The following ZKSCAN8 variants were observed in gnomAD, a reference collection of about 807,000 sequenced individuals.
The protein encoded by ZKSCAN8 is zinc finger with KRAB and SCAN domains 8.
A neutral mutation model predicts 57.2 loss-of-function variants in ZKSCAN8; 27 were observed. That is an observed-to-expected ratio of 0.47 (90% CI 0.35 to 0.65). The LOEUF (loss-of-function observed/expected upper bound fraction) is 0.65. ZKSCAN8 is among the 30% of genes least tolerant of loss of function. The pLI is 0.01. For synonymous variants in ZKSCAN8, 214 were observed against 248.7 expected (o/e 0.86, Z 1.31); for missense variants, 597 against 696.3 (o/e 0.86, Z 1.60).
At chr6:28,142,328 A>T (rs1055590142) in intron 1 of ZKSCAN8, 11 of 151,918 alleles carry the variant, frequency 7.2e-5, no homozygotes, top group Non-Finnish European at 1.2e-4. Flanking sequence ...GTTATTTTTT[A>T]TCCAACTATT....
In ZKSCAN8 at chr6:28,156,992, T is replaced by C. The variant is rs182044958; in HGVS notation, c.*2975T>C. 5 of 152,352 alleles carry C rather than the reference T, an allele frequency of 3.3e-5. No homozygotes were observed. In the East Asian group the frequency reaches 9.6e-4, roughly 29 times the overall value. 9.4% of individuals were successfully genotyped at this position (152,352 alleles called of 1,614,324 possible). ...AGCACTTACTATGTGCCCAACCCTG[T>C]TATGCCTTTCTCAGGCTCATGATAA... On this transcript the variant is annotated 3_prime_UTR_variant, in exon 6 of 6. Transcript: ENST00000330236.
chr6:28,153,241 C>T lies in ZKSCAN8; in HGVS notation c.961C>T (p.Arg321Ter), dbSNP rs373665045. Reference protein sequence around the residue: ...RQRGNPTQERRHKCDECGKSF... With the variant: ...RQRGNPTQER ...GCGGGGAAATCCCACACAAGAGAGA[C>T]GACATAAATGTGATGAATGTGGGAA... The change falls in exon 6 of 6, where the codon CGA becomes TGA. Residue 321 changes from arginine to a stop codon, truncating the protein, a stop_gained. Coordinates refer to ENST00000330236, the MANE Select transcript of ZKSCAN8 (RefSeq NM_006298.4). LOFTEE classifies it high-confidence loss of function. 99 of 1,614,050 alleles carry T rather than the reference C, an allele frequency of 6.1e-5. No individual in the cohort carries two copies. Among genetic ancestry groups the T allele is most frequent in the Non-Finnish European group, 8.1e-5 (96 of 1,180,040 alleles).
intron 2 of ZKSCAN8, 84 bp from the exon 3 acceptor site, chr6:28,149,399 T>G: frequency 6.5e-7 from 1 of 1,549,248 alleles, no homozygotes; most frequent in Non-Finnish European, 8.8e-7. Context: ...CATATATCCC[T>G]GTAGATGTGT....
rs1765833121 is a variant in ZKSCAN8 at position 28,157,817 on chromosome 6, A to C, written c.*3800A>C. On this transcript the variant is annotated 3_prime_UTR_variant, in exon 6 of 6. Coordinates refer to ENST00000330236, the MANE Select transcript of ZKSCAN8 (RefSeq NM_006298.4). ...ATTTTTCTCCAAACTGCCAAAGGGA[A>C]AGTAGAATTGTGGAGGGAAATGAAA... The C allele has an allele frequency of 6.6e-6, 1 of 152,186 alleles. No homozygotes were observed. Among genetic ancestry groups the C allele is most frequent in the African/African-American group, 2.4e-5 (1 of 41,444 alleles). The allele number at this position is 152,186 out of a possible 1,614,324, so 9.4% of individuals were successfully genotyped here.
intron 1 of ZKSCAN8, among the ~76,000 whole-genome samples, chr6:28,145,909 C>T (rs767089704): frequency 6.6e-6 from 1 of 152,214 alleles, no homozygotes; most frequent in Non-Finnish European, 1.5e-5. Context: ...AATAAGGTCA[C>T]ATCCACAGGT....
Position 28,144,444 on chromosome 6 carries a change from T to A in ZKSCAN8, c.-93+2415T>A, listed in dbSNP as rs1765321416. The stretch of plus-strand genomic sequence containing the variant: ...GGAACTGTATGTACAGTAATCTGAT[T>A]TTTTTCCTAAGTACCTATCTCTTCT... On this transcript the variant is annotated intron_variant, in intron 1 of 5. Coordinates refer to ENST00000330236, the MANE Select transcript of ZKSCAN8 (RefSeq NM_006298.4). This position sits in a 1 kb window ranked among gnomAD's most constrained non-coding sequence, Gnocchi z 4.5. The A allele has an allele frequency of 6.6e-6, 1 of 152,248 alleles. No individual in the cohort carries two copies. Among genetic ancestry groups the A allele is most frequent in the Non-Finnish European group, 1.5e-5 (1 of 68,054 alleles). 9.4% of individuals were successfully genotyped at this position (152,248 alleles called of 1,614,324 possible).
intron 5 of ZKSCAN8, 38 bp downstream of exon 5, chr6:28,152,422 TTTTG>T (rs1319396098): frequency 1.3e-6 from 2 of 1,568,718 alleles, no homozygotes; most frequent in African/African-American, 1.4e-5. Flanking sequence ...ATTTTAGATT[TTTTG>T]TTTGTTTGTT....
At position 28,152,342 on chromosome 6, in the gene ZKSCAN8, A is replaced by G. The variant is rs921567159; in HGVS notation, c.733A>G (p.Arg245Gly). The change falls in exon 5 of 6, where the codon AGA becomes GGA. Residue 245 changes from arginine to glycine, a missense_variant. Coordinates refer to ENST00000330236, the MANE Select transcript of ZKSCAN8 (RefSeq NM_006298.4). ...TGATCCATCACAGAAGGATCTGTGT[A>G]GAGATAACAGGCCAGAAAATTTCAG... Reference protein sequence around the residue: ...LLDPSQKDLCRDNRPENFRNM... With the variant: ...LLDPSQKDLCGDNRPENFRNM... 1.9e-6 allele frequency: 3 copies of G among 1,613,166 alleles called. No individual in the cohort carries two copies. Among genetic ancestry groups the G allele is most frequent in the Non-Finnish European group, 2.5e-6 (3 of 1,179,814 alleles).
In ZKSCAN8 at chr6:28,148,764, A is replaced by AGAG. The variant is rs1414059801; in HGVS notation, c.362_364dup (p.Glu121dup). The AGAG allele has an allele frequency of 6.2e-7, 1 of 1,614,014 alleles. No individual in the cohort carries two copies. The highest frequency in any genetic ancestry group is 2.2e-5 in the East Asian group (1 of 44,882). Reference sequence around the variant, plus strand: ...TTAAGGAACATCAGCTAGAGAACGGAGAGGAGGTGGTGACCCTATTAGAGG... The same window carrying AGAG: ...TTAAGGAACATCAGCTAGAGAACGGAGAGGAGGAGGTGGTGACCCTATTAGAGG... On this transcript the variant is annotated inframe_insertion, in exon 2 of 6. Transcript: ENST00000330236.
In ZKSCAN8 at chr6:28,159,257, G is replaced by A. The variant is rs559932374; in HGVS notation, c.*5240G>A. ...ACTTATCTTTTGAGTTTGTACTGTG[G>A]TCCATGTACTTACTAATATGTTGCT... On this transcript the variant is annotated 3_prime_UTR_variant, in exon 6 of 6. Transcript: ENST00000330236. The A allele has an allele frequency of 6.6e-6, 1 of 152,112 alleles. No individual in the cohort carries two copies. Among genetic ancestry groups the A allele is most frequent in the African/African-American group, 2.4e-5 (1 of 41,448 alleles). 9.4% of individuals were successfully genotyped at this position (152,112 alleles called of 1,614,324 possible). A position where few individuals can be genotyped will look rare whatever the true frequency, so the allele number is the denominator to read the frequency against.
intron 1 of ZKSCAN8, among the ~76,000 whole-genome samples, chr6:28,145,360 A>C (rs1344286386): frequency 6.6e-6 from 1 of 152,234 alleles, no homozygotes; most frequent in Non-Finnish European, 1.5e-5. Flanking sequence ...GCCACAGCCC[A>C]GAAAGGCTTT....
intron 1 of ZKSCAN8, among the ~76,000 whole-genome samples, chr6:28,147,372 TAAAAAC>T (rs1424460618): frequency 2.0e-5 from 3 of 152,064 alleles, no homozygotes; most frequent in African/African-American, 4.8e-5. Flanking sequence ...TATCTAAAAT[TAAAAAC>T]AAAAACAATA....
chr6:28,151,319 T>G (rs1765582801), intron 3 of ZKSCAN8, among the ~76,000 whole-genome samples: 1 of 152,192 alleles, frequency 6.6e-6, no homozygotes, highest in Admixed American at 6.5e-5. Flanking sequence ...TTAATATTTC[T>G]AAAGAAGCAT....
At position 28,153,192 on chromosome 6, in the gene ZKSCAN8, CCTT is replaced by C; in HGVS notation, c.915_917del (p.Leu306del). 1 of 1,614,192 alleles carries C rather than the reference CCTT, an allele frequency of 6.2e-7. No homozygotes were observed. The highest frequency in any genetic ancestry group is 8.5e-7 in the Non-Finnish European group (1 of 1,180,046). Reference sequence around the variant, plus strand: ...GTCTTGAGCATGAAGAAGCCCGAGACCTTCTGGGCAGATTAGAGAGGCAGCGGG... The same window carrying C: ...GTCTTGAGCATGAAGAAGCCCGAGACCTGGGCAGATTAGAGAGGCAGCGGG... On this transcript the variant is annotated inframe_deletion, in exon 6 of 6. Transcript: ENST00000330236.
chr6:28,151,064 C>G (rs1765575988), intron 3 of ZKSCAN8, among the ~76,000 whole-genome samples: 1 of 152,146 alleles, frequency 6.6e-6, no homozygotes, highest in South Asian at 2.1e-4. Context: ...CTTCAGCCTC[C>G]CAAAGTGCTG....
In ZKSCAN8 at chr6:28,154,050, A is replaced by G. The variant is rs6908414; in HGVS notation, c.*33A>G. On this transcript the variant is annotated 3_prime_UTR_variant, in exon 6 of 6. Transcript: ENST00000330236. ...ATCAGTTAGAGTTTGAGCATTATTC[A>G]GCATTAGGGAAACCACACACTGGTG... 7.8e-3 allele frequency: 11,930 copies of G among 1,539,132 alleles called. 169 individuals carry two copies. The highest frequency in any genetic ancestry group is 0.061 in the African/African-American group (4,421 of 72,590).
rs1765761026 is a variant in ZKSCAN8, at chr6:28,155,731, T to TA, written c.*1715dup. On this transcript the variant is annotated 3_prime_UTR_variant, in exon 6 of 6. Coordinates refer to ENST00000330236, the MANE Select transcript of ZKSCAN8 (RefSeq NM_006298.4). Reference sequence around the variant, plus strand: ...GGGCCAAAAAAAGCAATCAAAGTCTTACGTCATAGAGGACCACCTTTTGGA... The same window carrying TA: ...GGGCCAAAAAAAGCAATCAAAGTCTTAACGTCATAGAGGACCACCTTTTGGA... 1 of 159,578 alleles carries TA rather than the reference T, an allele frequency of 6.3e-6. No homozygotes were observed. The highest frequency in any genetic ancestry group is 2.4e-5 in the African/African-American group (1 of 41,808). The allele number at this position is 159,578 out of a possible 1,614,324, so 9.9% of individuals were successfully genotyped here.
In ZKSCAN8 at chr6:28,152,312, C is replaced by G. The variant is rs373001897; in HGVS notation, c.703C>G (p.Leu235Val). Reference protein sequence around the residue: ...MAVSLIREEWLLDPSQKDLCR... With the variant: ...MAVSLIREEWVLDPSQKDLCR... ...TGTGTCCCTTATTCGAGAGGAGTGG[C>G]TTCTTGATCCATCACAGAAGGATCT... The change falls in exon 5 of 6, where the codon CTT becomes GTT. Residue 235 changes from leucine to valine, a missense_variant. By Grantham distance (32) the Leu-to-Val change is conservative. Transcript: ENST00000330236. 2.5e-6 allele frequency: 4 copies of G among 1,613,242 alleles called. No individual in the cohort carries two copies. The African/African-American group carries it at 5.3e-5, about 22-fold the overall frequency.
In ZKSCAN8 at chr6:28,146,258, T is replaced by A. The variant is rs567846088; in HGVS notation, c.-92-2058T>A. On this transcript the variant is annotated intron_variant, in intron 1 of 5. Coordinates refer to ENST00000330236, the MANE Select transcript of ZKSCAN8 (RefSeq NM_006298.4). ...TATGGACCTTTGCCCATGGGGAAAA[T>A]ACAATTAAGTTTTGAAGTCAGAATT... 3.9e-5 allele frequency among the ~76,000 whole-genome samples: 6 copies of A among 152,240 alleles called. No homozygotes were observed. In the South Asian group the frequency reaches 1.0e-3, roughly 26 times the overall value.
Sources: allele counts gnomAD v4.1 joint callset (sites outside exome capture counted in the v4.1 genomes callset), GRCh38; gene constraint gnomAD v4.1.1; non-coding constraint Gnocchi (gnomAD v3.1); transcripts MANE v1.5; gene names NCBI Gene and HGNC (gene_info 2026-07-23, HGNC 2026-07-21).